Variants in ABI2 observed in about 807,000 individuals in gnomAD.
ABI2 encodes abl interactor 2, also known as abelson interactor 2.
ABI2 carries 25 observed loss-of-function variants against 59.2 expected under a neutral mutation model. The observed-to-expected ratio is 0.42, with a 90% CI of 0.31 to 0.59. The LOEUF is 0.59. Among genes scored for constraint, ABI2 ranks in the 20% least tolerant of loss-of-function variants. ABI2 has a pLI of 0.14. For missense variants in ABI2, 545 were observed against 681.8 expected, an observed-to-expected ratio of 0.80 and a Z score of 2.23; for synonymous variants, 213 against 235.5, an observed-to-expected ratio of 0.90 and a Z score of 0.87.
chr2:203,375,725 C>T (rs1040566785), intron 2 of ABI2, among the ~76,000 whole-genome samples: 1 of 152,116 alleles, frequency 6.6e-6, no homozygotes, highest in Non-Finnish European at 1.5e-5. Flanking sequence ...GTTTATTATT[C>T]TATCTAATTT....
intron 1 of ABI2, among the ~76,000 whole-genome samples, chr2:203,359,335 T>G (rs1160020242): frequency 6.6e-6 from 1 of 152,210 alleles, no homozygotes; most frequent in Non-Finnish European, 1.5e-5. Context: ...TTTCACTGAT[T>G]ACATTTTCAC....
intron 4 of ABI2, among the ~76,000 whole-genome samples, chr2:203,389,023 A>T (rs766711863): frequency 6.6e-6 from 1 of 152,176 alleles, no homozygotes; most frequent in African/African-American, 2.4e-5. Context: ...GGTTGAGCTT[A>T]AAGGACTTTG....
chr2:203,332,709 C>T (rs939768949), intron 1 of ABI2, among the ~76,000 whole-genome samples: 2 of 152,126 alleles, frequency 1.3e-5, no homozygotes, highest in South Asian at 2.1e-4. Flanking sequence ...TTGGAATCTA[C>T]GTTTTTACAA....
At chr2:203,372,211 C>G (rs1313804266) in intron 2 of ABI2, among the ~76,000 whole-genome samples, 4 of 152,140 alleles carry the variant, frequency 2.6e-5, no homozygotes, top group African/African-American at 7.2e-5. Context: ...CCTGAGTGGA[C>G]ACAGCACATG....
intron 4 of ABI2, among the ~76,000 whole-genome samples, chr2:203,388,066 A>G (rs1235504214): frequency 6.6e-6 from 1 of 152,180 alleles, no homozygotes; most frequent in Admixed American, 6.5e-5. Context: ...TTTACCTATT[A>G]TAAAAATTGT....
rs552044093 is a variant in ABI2 at position 203,386,081 on chromosome 2, T to C, written c.480+3875T>C. Among the ~76,000 whole-genome samples, 133 of 152,284 alleles carry C rather than the reference T, an allele frequency of 8.7e-4. 1 individual carries two copies. Among genetic ancestry groups the C allele is most frequent in the African/African-American group, 3.0e-3 (124 of 41,558 alleles). On this transcript the variant is annotated intron_variant, in intron 4 of 11. Coordinates refer to ENST00000261018, the MANE Select transcript of ABI2 (RefSeq NM_001375670.1). The stretch of plus-strand genomic sequence containing the variant: ...TCCTGGTGTCCCTTAGGAATTGAAG[T>C]AGGAACATACATCCTCTGAAGAGAG...
At chr2:203,329,697 C>CT (rs2071577038) in intron 1 of ABI2, among the ~76,000 whole-genome samples, 1 of 145,682 alleles carries the variant, frequency 6.9e-6, no homozygotes, top group Admixed American at 6.8e-5. Flanking sequence ...TTTTTTTTTC[C>CT]TTTTTTCTTG....
intron 11 of ABI2, among the ~76,000 whole-genome samples, chr2:203,425,112 A>G (rs2098386922): frequency 6.6e-6 from 1 of 151,278 alleles, no homozygotes; most frequent in East Asian, 1.9e-4. Context: ...CATTTTAAAG[A>G]AGAAAATGAA....
chr2:203,368,815 T>G (rs2094775570), intron 2 of ABI2, among the ~76,000 whole-genome samples: 1 of 151,262 alleles, frequency 6.6e-6, no homozygotes, highest in Non-Finnish European at 1.5e-5. Flanking sequence ...ACGAAATAGA[T>G]GAATTTTTTT....
intron 1 of ABI2, among the ~76,000 whole-genome samples, chr2:203,340,857 C>G (rs1189000502): frequency 1.3e-5 from 2 of 151,962 alleles, no homozygotes; most frequent in Non-Finnish European, 2.9e-5. Flanking sequence ...TGAACCAAAA[C>G]AATATTGCCT....
At chr2:203,375,553 A>G (rs1239137899) in intron 2 of ABI2, among the ~76,000 whole-genome samples, 3 of 152,216 alleles carry the variant, frequency 2.0e-5, no homozygotes, top group Admixed American at 1.3e-4. Context: ...ATGAGGGCAA[A>G]TGCCATAATT....
intron 9 of ABI2, among the ~76,000 whole-genome samples, chr2:203,408,553 C>G (rs1314173644): frequency 6.6e-6 from 1 of 151,730 alleles, no homozygotes; most frequent in Non-Finnish European, 1.5e-5. Context: ...AAAAAAAAAC[C>G]TCAGTCTACC....
At chr2:203,356,558 G>A (rs1240873288) in intron 1 of ABI2, among the ~76,000 whole-genome samples, 1 of 151,926 alleles carries the variant, frequency 6.6e-6, no homozygotes, top group Non-Finnish European at 1.5e-5. Flanking sequence ...TAGTAGAGAC[G>A]GGAATCTCAC....
At chr2:203,361,754 A>G (rs1244705272) in intron 1 of ABI2, among the ~76,000 whole-genome samples, 1 of 152,242 alleles carries the variant, frequency 6.6e-6, no homozygotes, top group African/African-American at 2.4e-5. Flanking sequence ...TAAAAGGGCC[A>G]TTAACATAGA....
rs775798093 is a variant in ABI2 at position 203,395,777 on chromosome 2, C to T, written c.847C>T (p.Pro283Ser). Reference sequence around the variant, plus strand: ...TACTCCATCTCCTCCCAGTGTCTTTCCAGGTAAAACATTCATGGTGCCTCG... The same window carrying T: ...TACTCCATCTCCTCCCAGTGTCTTTTCAGGTAAAACATTCATGGTGCCTCG... ...VPTPSPPSVF[P>S]APAGSAGTPP... Residue 283 changes from proline to serine, a missense_variant, in exon 7 of 12, where the codon CCA (proline) becomes TCA (serine). This residue lies in a region of ABI2 where 410 missense variants were observed against 435.6 expected (regional missense o/e 0.94). Coordinates refer to ENST00000261018, the MANE Select transcript of ABI2 (RefSeq NM_001375670.1). The T allele has an allele frequency of 6.3e-7, 1 of 1,591,374 alleles. No individual in the cohort carries two copies. The highest frequency in any genetic ancestry group is 8.6e-7 in the Non-Finnish European group (1 of 1,169,546).
intron 2 of ABI2, chr2:203,374,709 T>C (rs1226335937): frequency 2.6e-6 from 1 of 389,484 alleles, no homozygotes; most frequent in South Asian, 1.9e-5. Context: ...TGAAGCATAA[T>C]TGTAATTTAA....
chr2:203,408,119 C>A (rs1559356308), intron 9 of ABI2, among the ~76,000 whole-genome samples: 2 of 151,516 alleles, frequency 1.3e-5, no homozygotes, highest in African/African-American at 4.8e-5. Flanking sequence ...CCAAGTCATT[C>A]TTTTAAGGAA....
Position 203,345,063 on chromosome 2 carries a change from C to T in ABI2, c.117+16432C>T, listed in dbSNP as rs550540038. On this transcript the variant is annotated intron_variant, in intron 1 of 11. Coordinates refer to ENST00000261018, the MANE Select transcript of ABI2 (RefSeq NM_001375670.1). ...CCCGCAGTGGCAACCCGCCGGGGTC[C>T]TCTTCCATGCTGTGGAAGCTTTCTT... Among the ~76,000 whole-genome samples, 9 of 152,290 alleles carry T rather than the reference C, an allele frequency of 5.9e-5. No homozygotes were observed. In the East Asian group the frequency reaches 7.7e-4, roughly 13 times the overall value.
intron 1 of ABI2, among the ~76,000 whole-genome samples, chr2:203,362,731 C>T (rs1006225191): frequency 4.0e-5 from 6 of 151,676 alleles, no homozygotes; most frequent in Admixed American, 1.3e-4. Flanking sequence ...TTCTCCATGT[C>T]GGGCAGGCCG....
Sources: allele counts gnomAD v4.1 joint callset (sites outside exome capture counted in the v4.1 genomes callset), GRCh38; gene constraint gnomAD v4.1.1; regional missense constraint gnomAD v4.1.1; transcripts MANE v1.5; gene names NCBI Gene and HGNC (gene_info 2026-07-23, HGNC 2026-07-21).